The following LAMB1 variants were observed in gnomAD, a reference collection of about 807,000 sequenced individuals.
The protein encoded by LAMB1 is laminin subunit beta-1.
Under a neutral mutation model 222.3 loss-of-function variants are expected in LAMB1, and 121 were observed. The ratio of observed to expected loss-of-function variants is 0.54; its 90% CI spans 0.47 to 0.63. LAMB1 has a LOEUF of 0.63. LAMB1 is among the 30% of genes least tolerant of loss of function. The pLI, the probability that LAMB1 is intolerant of heterozygous loss-of-function variation, is 0.00. For synonymous variants in LAMB1, 794 were observed against 807.2 expected, an observed-to-expected ratio of 0.98 and a Z score of 0.28; for missense variants, 2,172 against 2,240.8, an observed-to-expected ratio of 0.97 and a Z score of 0.62.
intron 15 of LAMB1, 131 bp downstream of exon 15, chr7:107,962,774 G>T: frequency 1.8e-6 from 1 of 550,208 alleles, no homozygotes; most frequent in Non-Finnish European, 3.0e-6. Flanking sequence ...GAGGAGGTGA[G>T]ACTATAGGAA....
chr7:107,975,186 A>T, intron 11 of LAMB1, 48 bp downstream of exon 11: 7 of 1,581,412 alleles, frequency 4.4e-6, no homozygotes, highest in Non-Finnish European at 5.2e-6. Context: ...GTAAAATGGG[A>T]ATTTCAAACA....
At position 107,978,128 on chromosome 7, in the gene LAMB1, A is replaced by C; in HGVS notation, c.919T>G (p.Leu307Val). 2 of 1,614,112 alleles carry C rather than the reference A, an allele frequency of 1.2e-6. No homozygotes were observed. Among genetic ancestry groups the C allele is most frequent in the Non-Finnish European group, 1.7e-6 (2 of 1,179,966 alleles). The change falls in exon 9 of 34, where the codon TTA (leucine) becomes GTA (valine). Residue 307 changes from leucine to valine, a missense_variant. By Grantham distance (32) the Leu-to-Val change is conservative (BLOSUM62 1). Transcript: ENST00000222399. ...AAATCCATGCAGAGTTCACAGTTTA[A>C]GCCCTTGGTGTTATGCCTGCACATG... ...HCMCRHNTKG[L>V]NCELCMDFYH... is the part of the protein sequence containing the mutation.
chr7:107,990,738 G>T (rs930679938), intron 5 of LAMB1, among the ~76,000 whole-genome samples: 1 of 152,148 alleles, frequency 6.6e-6, no homozygotes, highest in Non-Finnish European at 1.5e-5. Flanking sequence ...TAGAAAACAG[G>T]GGCACCTCAT....
chr7:107,963,717 C>A (rs2033562548), intron 14 of LAMB1, among the ~76,000 whole-genome samples: 1 of 152,192 alleles, frequency 6.6e-6, no homozygotes, highest in Non-Finnish European at 1.5e-5. Context: ...ACCAACAGAA[C>A]CTGAGGAACT....
At chr7:108,003,075 GT>G in intron 1 of LAMB1, 35 bp downstream of exon 1, 8 of 1,339,992 alleles carry the variant, frequency 6.0e-6, no homozygotes, top group Non-Finnish European at 7.9e-6. Flanking sequence ...GGGCTGGAAA[GT>G]GGGGAAAATC....
chr7:107,945,407 A>G (rs1431473887), intron 24 of LAMB1, among the ~76,000 whole-genome samples: 1 of 152,178 alleles, frequency 6.6e-6, no homozygotes, highest in Middle Eastern at 3.2e-3. Flanking sequence ...CACTGAACAA[A>G]GTCTACCCTT....
At chr7:107,950,086 C>T (rs997202645) in intron 24 of LAMB1, among the ~76,000 whole-genome samples, 7 of 152,004 alleles carry the variant, frequency 4.6e-5, no homozygotes, top group Admixed American at 1.3e-4. Flanking sequence ...AAAAATTAGC[C>T]GGGCGTGGTG....
In LAMB1 at chr7:107,928,488, A is replaced by G. The variant is rs117802892; in HGVS notation, c.4887+576T>C. 1.9e-3 allele frequency among the ~76,000 whole-genome samples: 283 copies of G among 151,474 alleles called. 7 individuals are homozygous for G. The East Asian group carries it at 0.051, about 27-fold the overall frequency. Reference sequence around the variant, plus strand: ...GAACAGAGTATATGCTGTTTCCTCAATGAATAGGAGTGCTTTTTTTTTTTT... The same window carrying G: ...GAACAGAGTATATGCTGTTTCCTCAGTGAATAGGAGTGCTTTTTTTTTTTT... On this transcript the variant is annotated intron_variant, in intron 31 of 33. Coordinates refer to ENST00000222399, the MANE Select transcript of LAMB1 (RefSeq NM_002291.3).
chr7:107,934,126 TTTC>T (rs765435656), intron 27 of LAMB1, among the ~76,000 whole-genome samples: 14 of 152,384 alleles, frequency 9.2e-5, no homozygotes, highest in Middle Eastern at 3.4e-3. Context: ...ATTTTTCTTT[TTTC>T]TTCATCTTTT....
At chr7:107,991,322 G>A (rs2034177127) in intron 5 of LAMB1, among the ~76,000 whole-genome samples, 1 of 152,156 alleles carries the variant, frequency 6.6e-6, no homozygotes, top group South Asian at 2.1e-4. Flanking sequence ...AGTGGCTCAT[G>A]CCTCTTTTGT....
intron 26 of LAMB1, 112 bp downstream of exon 26, chr7:107,936,981 A>T: frequency 1.1e-6 from 1 of 892,828 alleles, no homozygotes; most frequent in South Asian, 1.9e-5. Flanking sequence ...GATGAGCAAA[A>T]GTTTTAAAAT....
chr7:107,962,986 A>T lies in LAMB1; in HGVS notation c.1776T>A (p.Pro592=), dbSNP rs2230156. Residue 592 remains proline (P), a synonymous_variant, in exon 15 of 34, where the codon CCT becomes CCA. Coordinates refer to ENST00000222399, the MANE Select transcript of LAMB1 (RefSeq NM_002291.3). ...SWTGAGFVRV[P]EGAYLEFFID... The stretch of plus-strand genomic sequence containing the variant: ...TGAAAAACTCCAAATAAGCCCCTTC[A>T]GGCACTCGGACGAAGCCGGCTCCAG... 1.9e-6 allele frequency: 3 copies of T among 1,613,774 alleles called. No homozygotes were observed. Among genetic ancestry groups the T allele is most frequent in the African/African-American group, 1.3e-5 (1 of 74,938 alleles).
intron 24 of LAMB1, among the ~76,000 whole-genome samples, chr7:107,944,896 A>C (rs1013934272): frequency 6.6e-6 from 1 of 152,226 alleles, no homozygotes; most frequent in African/African-American, 2.4e-5. Flanking sequence ...GCAGCTGATG[A>C]GGTCCAGTGG....
rs138048234 is a variant in LAMB1 at position 107,937,954 on chromosome 7, C to T, written c.3762-677G>A. The stretch of plus-strand genomic sequence containing the variant: ...TTCTGTACTTTCAAACCTACAAAGC[C>T]GTACTTTTGACATCTATTTGTATAT... On this transcript the variant is annotated intron_variant, in intron 25 of 33. Transcript: ENST00000222399. Among the ~76,000 whole-genome samples the T allele has an allele frequency of 6.5e-3, 985 of 152,174 alleles. 5 individuals are homozygous for T. The highest frequency in any genetic ancestry group is 0.017 in the South Asian group (80 of 4,814).
intron 5 of LAMB1, among the ~76,000 whole-genome samples, chr7:107,987,277 A>G (rs2034097500): frequency 6.6e-6 from 1 of 152,236 alleles, no homozygotes; most frequent in Non-Finnish European, 1.5e-5. Context: ...AAAGTTGATT[A>G]GCAGTTACCA....
At chr7:107,959,012 G>A (rs2033435998) in intron 20 of LAMB1, among the ~76,000 whole-genome samples, 3 of 152,168 alleles carry the variant, frequency 2.0e-5, no homozygotes, top group Admixed American at 6.5e-5. Flanking sequence ...CCAAGAGGAC[G>A]GATTCATGTC....
intron 13 of LAMB1, among the ~76,000 whole-genome samples, chr7:107,970,495 A>AC (rs2033725567): frequency 7.5e-6 from 1 of 133,164 alleles, no homozygotes; most frequent in Admixed American, 7.9e-5. Flanking sequence ...TCTCAAAAAA[A>AC]AAAAAAAAAA....
chr7:107,936,681 T>C (rs1321190417), intron 26 of LAMB1, among the ~76,000 whole-genome samples: 2 of 152,232 alleles, frequency 1.3e-5, no homozygotes, highest in African/African-American at 4.8e-5. Context: ...GTCTATGATA[T>C]AAATAATGAT....
chr7:107,945,051 C>T (rs1377699108), intron 24 of LAMB1, among the ~76,000 whole-genome samples: 1 of 152,216 alleles, frequency 6.6e-6, no homozygotes, highest in Admixed American at 6.5e-5. Context: ...GTTGCCTAAT[C>T]TTTAAGATGA....
Sources: allele counts gnomAD v4.1 joint callset (sites outside exome capture counted in the v4.1 genomes callset), GRCh38; gene constraint gnomAD v4.1.1; transcripts MANE v1.5; gene names NCBI Gene and HGNC (gene_info 2026-07-23, HGNC 2026-07-21).